WDR73: variants seen among roughly 807,000 people sequenced by gnomAD.
WDR73 encodes integrator complex assembly factor WDR73.
A neutral mutation model predicts 38.2 loss-of-function variants in WDR73; 30 were observed. The ratio of observed to expected loss-of-function variants is 0.79; its 90% CI spans 0.59 to 1.06. The LOEUF is 1.06. Among genes scored for constraint, WDR73 ranks in the 50% least tolerant of loss-of-function variants. WDR73 has a pLI of 0.00. For missense variants in WDR73, 487 were observed against 467.0 expected, an observed-to-expected ratio of 1.04 and a Z score of -0.40; for synonymous variants, 197 against 176.0, an observed-to-expected ratio of 1.12 and a Z score of -0.94.
At chr15:84,644,221 C>A (rs900426217) in intron 7 of WDR73, 2 of 157,250 alleles carry the variant, frequency 1.3e-5, no homozygotes, top group South Asian at 3.8e-4. Flanking sequence ...CAGTCCCCTA[C>A]CTCTGGGTCC....
rs776484058 is a variant in WDR73, at chr15:84,646,370, A to C, written c.353-22T>G. On this transcript the variant is annotated intron_variant, in intron 5 of 7. Coordinates refer to ENST00000434634, the MANE Select transcript of WDR73 (RefSeq NM_032856.5). ...ACATCTAGGGGAAAACGAAGAGGCCAAAATCCAGAACTTTAATGAAGGTTT... is the reference window on the plus strand; with the variant it reads ...ACATCTAGGGGAAAACGAAGAGGCCCAAATCCAGAACTTTAATGAAGGTTT... 3.6e-5 allele frequency: 57 copies of C among 1,594,630 alleles called. No individual in the cohort carries two copies. The highest frequency in any genetic ancestry group is 4.6e-5 in the Non-Finnish European group (54 of 1,166,340).
chr15:84,646,259 C>T lies in WDR73; in HGVS notation c.442G>A (p.Gly148Arg), dbSNP rs772737144. Reference sequence around the variant, plus strand: ...CGGAGCCTCGCCCCATGGAGGACTCCGGGTGCCAATGTGGAGAAGACGGCC... The same window carrying T: ...CGGAGCCTCGCCCCATGGAGGACTCTGGGTGCCAATGTGGAGAAGACGGCC... ...RVAVFSTLAP[G>R]VLHGARLRSL... is the part of the protein sequence containing the mutation. The change falls in exon 6 of 8, where the codon GGA becomes AGA. Residue 148 changes from glycine (G) to arginine (R), a missense_variant. Gly to Arg is a moderately radical substitution (Grantham distance 125). Coordinates refer to ENST00000434634, the MANE Select transcript of WDR73 (RefSeq NM_032856.5). The T allele has an allele frequency of 1.7e-5, 28 of 1,613,780 alleles. No individual in the cohort carries two copies. The highest frequency in any genetic ancestry group is 1.6e-4 in the Middle Eastern group (1 of 6,084).
At chr15:84,651,368 G>A (rs762910932) in intron 3 of WDR73, among the ~76,000 whole-genome samples, 1 of 149,132 alleles carries the variant, frequency 6.7e-6, no homozygotes, top group Non-Finnish European at 1.5e-5. Flanking sequence ...TTAGACTGTA[G>A]TGAGCCAGGG....
intron 1 of WDR73, 29 bp downstream of exon 1, chr15:84,654,205 C>A (rs1297375120): frequency 6.2e-7 from 1 of 1,613,278 alleles, no homozygotes; most frequent in Non-Finnish European, 8.5e-7. Context: ...CCAGGCCCAG[C>A]TCCCATGTCC....
At position 84,646,368 on chromosome 15, in the gene WDR73, C is replaced by A. The variant is rs779020413; in HGVS notation, c.353-20G>T. 1.2e-5 allele frequency: 19 copies of A among 1,595,098 alleles called. No individual in the cohort carries two copies. The highest frequency in any genetic ancestry group is 1.5e-5 in the Non-Finnish European group (17 of 1,166,604). On this transcript the variant is annotated intron_variant, in intron 5 of 7. Transcript: ENST00000434634. ...TGACATCTAGGGGAAAACGAAGAGG[C>A]CAAAATCCAGAACTTTAATGAAGGT...
chr15:84,652,493 T>G (rs561354686), intron 3 of WDR73, among the ~76,000 whole-genome samples: 1 of 152,326 alleles, frequency 6.6e-6, no homozygotes, highest in East Asian at 1.9e-4. Flanking sequence ...TCTGATAAAG[T>G]ATAACTGACC....
In WDR73 at chr15:84,648,732, C is replaced by A. The variant is rs1056828087; in HGVS notation, c.199-107G>T. The A allele has an allele frequency of 1.3e-4, 109 of 857,372 alleles. No homozygotes were observed. The South Asian group carries it at 1.5e-3, about 12-fold the overall frequency. The allele number at this position is 857,372 out of a possible 1,614,324, so 53.1% of individuals were successfully genotyped here. A position where few individuals can be genotyped will look rare whatever the true frequency, so the allele number is the denominator to read the frequency against. On this transcript the variant is annotated intron_variant, in intron 3 of 7. Transcript: ENST00000434634. ...TAGCCTGGCAGGAGGCCATGGAAGC[C>A]ACTCAGCTGGTGAAAGGGCGTTGGT...
rs201658963 is a variant in WDR73 at position 84,646,178 on chromosome 15, C to T, written c.517+6G>A. ...GCAGCAAGCAAGGGACAAAGTACCA[C>T]GGTACCTGAGGTGTACGTGGTCTTC... On this transcript the variant is annotated splice_donor_region_variant and intron_variant, in intron 6 of 7. Transcript: ENST00000434634. The T allele has an allele frequency of 2.2e-5, 35 of 1,613,498 alleles. No individual in the cohort carries two copies. The highest frequency in any genetic ancestry group is 5.5e-5 in the South Asian group (5 of 91,078).
rs1896419154 is a variant in WDR73 at position 84,645,511 on chromosome 15, C to T, written c.843G>A (p.Val281=). The T allele has an allele frequency of 6.2e-7, 1 of 1,612,312 alleles. No individual in the cohort carries two copies. The highest frequency in any genetic ancestry group is 8.5e-7 in the Non-Finnish European group (1 of 1,179,128). ...AATTCTTCAGGCCTGGGGCCCAAGT[C>T]ACTCGCAGCAGCTCTGGGTCAGGGC... is the stretch of plus-strand genomic sequence containing the variant. ...VPSPDPELLR[V]TWAPGLKNCL... is the part of the protein sequence containing the mutation. Residue 281 remains valine, a synonymous_variant, in exon 7 of 8, where the codon GTG becomes GTA. Coordinates refer to ENST00000434634, the MANE Select transcript of WDR73 (RefSeq NM_032856.5).
At chr15:84,653,787 C>A in intron 1 of WDR73, 88 bp from the exon 2 acceptor site, 1 of 1,050,750 alleles carries the variant, frequency 9.5e-7, no homozygotes. Flanking sequence ...TTCAGTGGCC[C>A]AAACTCTGGA....
intron 3 of WDR73, among the ~76,000 whole-genome samples, chr15:84,651,814 G>C (rs1217996466): frequency 6.6e-6 from 1 of 152,130 alleles, no homozygotes; most frequent in Non-Finnish European, 1.5e-5. Flanking sequence ...TCCTGTAGCA[G>C]AGGTCACCAA....
chr15:84,642,812 G>A lies in WDR73; in HGVS notation c.*658C>T, dbSNP rs1306871002. 1.3e-5 allele frequency: 2 copies of A among 151,316 alleles called. No individual in the cohort carries two copies. Among genetic ancestry groups the A allele is most frequent in the African/African-American group, 4.9e-5 (2 of 41,020 alleles). 9.4% of individuals were successfully genotyped at this position (151,316 alleles called of 1,614,324 possible). A position where few individuals can be genotyped will look rare whatever the true frequency, so the allele number is the denominator to read the frequency against. ...GAAGGGATCTTGCTATGTTGCCCAG[G>A]CTGGTCTCAAACTCCTCAGCTCAAG... On this transcript the variant is annotated 3_prime_UTR_variant, in exon 8 of 8. Coordinates refer to ENST00000434634, the MANE Select transcript of WDR73 (RefSeq NM_032856.5).
At chr15:84,650,790 C>T (rs1213873619) in intron 3 of WDR73, among the ~76,000 whole-genome samples, 1 of 152,052 alleles carries the variant, frequency 6.6e-6, no homozygotes, top group Non-Finnish European at 1.5e-5. Flanking sequence ...CATGAGTCAC[C>T]GCACTCGGAT....
At chr15:84,646,566 T>C (rs772319783) in intron 5 of WDR73, 2 of 680,340 alleles carry the variant, frequency 2.9e-6, no homozygotes, top group Non-Finnish European at 4.3e-6. Context: ...TCTTATAAAC[T>C]GTTTTTTGCA....
At position 84,642,410 on chromosome 15, in the gene WDR73, T is replaced by C. The variant is rs1896288057; in HGVS notation, c.*1060A>G. 6.6e-6 allele frequency: 1 copy of C among 151,962 alleles called. No homozygotes were observed. The highest frequency in any genetic ancestry group is 2.1e-4 in the South Asian group (1 of 4,826). The allele number at this position is 151,962 out of a possible 1,614,324, so 9.4% of individuals were successfully genotyped here. On this transcript the variant is annotated 3_prime_UTR_variant, in exon 8 of 8. Transcript: ENST00000434634. ...CTCTCATTTATGTATTTCTAGCATG[T>C]AATTAGTGTTGCACATGGGAAGGGC...
At position 84,654,151 on chromosome 15, in the gene WDR73, C is replaced by T. The variant is rs995855461; in HGVS notation, c.41+83G>A. ...AGCTGGCCCACTCTGCACCAGGATC[C>T]CCAACGTGCCTCCACCCACACCCAT... On this transcript the variant is annotated intron_variant, in intron 1 of 7. Transcript: ENST00000434634. 9.5e-6 allele frequency: 15 copies of T among 1,583,680 alleles called. No homozygotes were observed. In the African/African-American group the frequency reaches 1.7e-4, roughly 18 times the overall value.
chr15:84,653,191 G>T (rs1276726729), intron 2 of WDR73: 1 of 199,496 alleles, frequency 5.0e-6, no homozygotes, highest in Non-Finnish European at 1.0e-5. Context: ...TGCCCAGCCT[G>T]AAGACTTTTT....
At chr15:84,654,151 C>A in intron 1 of WDR73, 83 bp downstream of exon 1, 1 of 1,583,798 alleles carries the variant, frequency 6.3e-7, no homozygotes, top group Non-Finnish European at 8.7e-7. Flanking sequence ...CACCAGGATC[C>A]CCAACGTGCC....
chr15:84,644,588 T>C (rs1448755779), intron 7 of WDR73: 1 of 148,702 alleles, frequency 6.7e-6, no homozygotes, highest in Non-Finnish European at 1.5e-5. Flanking sequence ...TTTTTTTTTT[T>C]TTTTTTTTTG....
Sources: gnomAD v4.1 joint callset for allele counts (sites outside exome capture counted in the v4.1 genomes callset) on GRCh38, gnomAD v4.1.1 for gene constraint, MANE v1.5 for transcripts, NCBI Gene and HGNC (gene_info 2026-07-23, HGNC 2026-07-21) for gene names.